The following MRC1 variants were observed in gnomAD, a reference collection of about 807,000 sequenced individuals.
MRC1 encodes macrophage mannose receptor 1.
Under a neutral mutation model 102.9 loss-of-function variants are expected in MRC1, and 62 were observed. The ratio of observed to expected loss-of-function variants is 0.60; its 90% CI spans 0.49 to 0.74. The LOEUF (loss-of-function observed/expected upper bound fraction) is 0.74. MRC1 is among the 30% of genes least tolerant of loss of function. The pLI is 0.00. For synonymous variants in MRC1, 457 were observed against 298.4 expected (o/e 1.53, Z -5.48); for missense variants, 1,237 against 862.8 (o/e 1.43, Z -5.43).
chr10:17,892,383 A>G (rs1171120428), intron 22 of MRC1, among the ~76,000 whole-genome samples: 1 of 152,120 alleles, frequency 6.6e-6, no homozygotes, highest in Non-Finnish European at 1.5e-5. Context: ...CTACCTCAAT[A>G]CTTGTTCCCT....
chr10:17,821,359 G>C (rs1334458193), intron 1 of MRC1, among the ~76,000 whole-genome samples: 1 of 152,106 alleles, frequency 6.6e-6, no homozygotes, highest in Non-Finnish European at 1.5e-5. Context: ...TGGATTTTCA[G>C]CTTGTTTTTG....
chr10:17,840,965 C>T (rs1838740813), intron 5 of MRC1, among the ~76,000 whole-genome samples, 159 bp downstream of exon 5: 1 of 152,150 alleles, frequency 6.6e-6, no homozygotes, highest in Non-Finnish European at 1.5e-5. Flanking sequence ...TGCTAGATTT[C>T]CATTTACTGA....
chr10:17,901,824 A>G, intron 25 of MRC1, 149 bp from the exon 26 acceptor site: 1 of 722,346 alleles, frequency 1.4e-6, no homozygotes, highest in South Asian at 1.6e-5. Context: ...AAGGAAACCC[A>G]ATAATAAATA....
At chr10:17,886,879 A>G (rs1589192036) in intron 22 of MRC1, among the ~76,000 whole-genome samples, 1 of 152,198 alleles carries the variant, frequency 6.6e-6, no homozygotes, top group Admixed American at 6.5e-5. Flanking sequence ...AAAAAGAAGT[A>G]GGAGTAAGCT....
intron 4 of MRC1, among the ~76,000 whole-genome samples, chr10:17,838,773 A>T (rs2130622236): frequency 6.6e-6 from 1 of 152,282 alleles, no homozygotes. Flanking sequence ...CAGGAGTTCG[A>T]GATCAGCCTG....
At chr10:17,831,432 G>A (rs1554839045) in intron 3 of MRC1, among the ~76,000 whole-genome samples, 2 of 151,336 alleles carry the variant, frequency 1.3e-5, no homozygotes, top group Non-Finnish European at 2.9e-5. Context: ...TTTGTATGCT[G>A]TTGCCTGAAT....
intron 4 of MRC1, among the ~76,000 whole-genome samples, chr10:17,840,133 T>G (rs1438651121): frequency 3.8e-5 from 5 of 132,350 alleles, no homozygotes; most frequent in Admixed American, 7.0e-5. Flanking sequence ...CTGAGGTCCG[T>G]GTTGTTTCTG....
At chr10:17,862,731 GTTTCTC>G (rs1378416230) in intron 10 of MRC1, among the ~76,000 whole-genome samples, 1 of 152,098 alleles carries the variant, frequency 6.6e-6, no homozygotes, top group Non-Finnish European at 1.5e-5. Flanking sequence ...TTGCTGTTAG[GTTTCTC>G]TATATTCTCT....
chr10:17,847,767 G>A (rs1838847240), intron 6 of MRC1, among the ~76,000 whole-genome samples: 1 of 152,014 alleles, frequency 6.6e-6, no homozygotes, highest in African/African-American at 2.4e-5. Flanking sequence ...ACTCAAGTTG[G>A]TTGTTTTCAT....
intron 15 of MRC1, 50 bp downstream of exon 15, chr10:17,872,176 T>C: frequency 1.3e-6 from 1 of 779,858 alleles, no homozygotes; most frequent in East Asian, 2.4e-5. Context: ...ACTAACCTCC[T>C]GACACCCCAG....
At chr10:17,859,217 C>G (rs1412027465) in intron 9 of MRC1, among the ~76,000 whole-genome samples, 1 of 151,950 alleles carries the variant, frequency 6.6e-6, no homozygotes. Flanking sequence ...CTTTTGTTAC[C>G]AAGTCATCTC....
At chr10:17,817,298 G>T (rs1167749916) in intron 1 of MRC1, among the ~76,000 whole-genome samples, 1 of 150,610 alleles carries the variant, frequency 6.6e-6, no homozygotes, top group Non-Finnish European at 1.5e-5. Flanking sequence ...GTTACTGGAT[G>T]TTTAGTCTTT....
chr10:17,816,449 G>A (rs1265460092), intron 1 of MRC1, among the ~76,000 whole-genome samples: 1 of 152,126 alleles, frequency 6.6e-6, no homozygotes, highest in Non-Finnish European at 1.5e-5. Context: ...GGTGTGGAAT[G>A]GTTGCCTTGG....
chr10:17,857,643 C>T (rs1833114068), intron 9 of MRC1, among the ~76,000 whole-genome samples: 1 of 152,080 alleles, frequency 6.6e-6, no homozygotes, highest in Non-Finnish European at 1.5e-5. Flanking sequence ...ACAACTTGAC[C>T]ACTTTAAAAA....
chr10:17,874,186 T>C (rs1833394020), intron 16 of MRC1, among the ~76,000 whole-genome samples: 2 of 152,204 alleles, frequency 1.3e-5, no homozygotes, highest in Non-Finnish European at 2.9e-5. Context: ...AAATCTGGAA[T>C]CAATTTCACT....
At chr10:17,858,735 C>G (rs1388121972) in intron 9 of MRC1, among the ~76,000 whole-genome samples, 5 of 152,218 alleles carry the variant, frequency 3.3e-5, no homozygotes, top group African/African-American at 1.2e-4. Context: ...ATCCATCCGC[C>G]TTGGCCTCCC....
chr10:17,824,093 A>G (rs999012152), intron 2 of MRC1, among the ~76,000 whole-genome samples: 2,634 of 152,340 alleles, frequency 0.017, 40 homozygotes, highest in South Asian at 0.071. Flanking sequence ...GATACCTCCA[A>G]TGCGGTGGGA....
intron 21 of MRC1, among the ~76,000 whole-genome samples, chr10:17,884,928 G>C (rs1038922453): frequency 2.0e-5 from 3 of 152,166 alleles, no homozygotes; most frequent in Non-Finnish European, 4.4e-5. Context: ...AATCCATACG[G>C]TGACTTTTTA....
chr10:17,811,184 C>T (rs1335931017), intron 1 of MRC1, among the ~76,000 whole-genome samples: 2 of 152,180 alleles, frequency 1.3e-5, no homozygotes, highest in Non-Finnish European at 2.9e-5. Context: ...CCATTCATTT[C>T]TTAAAACTAA....
Sources: allele counts gnomAD v4.1 joint callset (sites outside exome capture counted in the v4.1 genomes callset), GRCh38; gene constraint gnomAD v4.1.1; transcripts MANE v1.5; gene names NCBI Gene and HGNC (gene_info 2026-07-23, HGNC 2026-07-21).